The following TECPR2 variants were observed in gnomAD, a reference collection of about 807,000 sequenced individuals.
TECPR2 encodes tectonin beta-propeller repeat-containing protein 2.
A neutral mutation model predicts 138.1 loss-of-function variants in TECPR2; 65 were observed. The ratio of observed to expected loss-of-function variants is 0.47; its 90% confidence interval spans 0.39 to 0.58. The LOEUF is 0.58. Ranked by LOEUF, TECPR2 falls within the 20% of genes least tolerant of loss-of-function variation. The pLI is 0.00. For synonymous variants in TECPR2, 746 were observed against 749.8 expected, an observed-to-expected ratio of 0.99 and a Z score of 0.08; for missense variants, 1,553 against 1,824.5, an observed-to-expected ratio of 0.85 and a Z score of 2.71.
intron 17 of TECPR2, among the ~76,000 whole-genome samples, chr14:102,481,589 G>T (rs577813625): frequency 2.4e-4 from 36 of 152,348 alleles, no homozygotes; most frequent in Non-Finnish European, 4.9e-4. Context: ...GGGCAACAGA[G>T]TGAGCCTCCA....
intron 2 of TECPR2, among the ~76,000 whole-genome samples, chr14:102,378,289 G>A (rs79159907): frequency 0.028 from 4,267 of 152,210 alleles, 77 homozygotes; most frequent in Middle Eastern, 0.085. Context: ...CATTTAAAAC[G>A]TAACTAATTT....
chr14:102,463,547 G>A (rs1890472209), intron 16 of TECPR2, among the ~76,000 whole-genome samples: 2 of 150,044 alleles, frequency 1.3e-5, no homozygotes, highest in African/African-American at 4.9e-5. Flanking sequence ...AAATAAAAAA[G>A]CAGTCAGTTC....
chr14:102,372,021 C>T (rs184989106), intron 1 of TECPR2, among the ~76,000 whole-genome samples: 53 of 152,306 alleles, frequency 3.5e-4, no homozygotes, highest in Admixed American at 1.8e-3. Flanking sequence ...GGGTCTCACT[C>T]TGTCACCCAG....
At chr14:102,438,494 A>G in intron 10 of TECPR2, 1 of 331,210 alleles carries the variant, frequency 3.0e-6, no homozygotes, top group Non-Finnish European at 5.5e-6. Context: ...TGTAAGCTAG[A>G]CAAAAAGTTT....
intron 16 of TECPR2, among the ~76,000 whole-genome samples, chr14:102,459,996 T>A (rs1890366429): frequency 6.6e-6 from 1 of 152,054 alleles, no homozygotes; most frequent in South Asian, 2.1e-4. Flanking sequence ...TCAGACTGGG[T>A]GTGGTGGCTC....
chr14:102,422,591 T>A (rs1889214725), intron 5 of TECPR2, among the ~76,000 whole-genome samples: 1 of 152,136 alleles, frequency 6.6e-6, no homozygotes. Context: ...TACATTTTAA[T>A]AAAAATGAAA....
rs572201841 is a variant in TECPR2 at position 102,432,961 on chromosome 14, G to A, written c.1417+833G>A. Among the ~76,000 whole-genome samples, 497 of 145,574 alleles carry A rather than the reference G, an allele frequency of 3.4e-3. 5 individuals carry two copies. The highest frequency in any genetic ancestry group is 0.012 in the African/African-American group (488 of 39,116). ...AGAGGATGCAGTGAGCCGAGGTCAC[G>A]CCACTGCACTCCAGCCTCGCAACAG... On this transcript the variant is annotated intron_variant, in intron 8 of 19. Transcript: ENST00000359520.
At chr14:102,395,893 A>T (rs566517404) in intron 2 of TECPR2, among the ~76,000 whole-genome samples, 14 of 152,214 alleles carry the variant, frequency 9.2e-5, no homozygotes, top group Non-Finnish European at 2.1e-4. Flanking sequence ...GAATTAGTTT[A>T]TAAGTCATAT....
At chr14:102,430,685 A>T (rs1230313131) in intron 7 of TECPR2, among the ~76,000 whole-genome samples, 1 of 152,150 alleles carries the variant, frequency 6.6e-6, no homozygotes, top group Non-Finnish European at 1.5e-5. Flanking sequence ...AGATGAGTCC[A>T]CTGCAGTGGG....
chr14:102,495,986 A>T (rs1329694829), intron 17 of TECPR2, among the ~76,000 whole-genome samples: 1 of 152,242 alleles, frequency 6.6e-6, no homozygotes, highest in African/African-American at 2.4e-5. Context: ...TGACAGGAGC[A>T]CTGTGCGGCC....
intron 16 of TECPR2, among the ~76,000 whole-genome samples, chr14:102,461,798 C>A (rs1045245531): frequency 2.0e-5 from 3 of 152,158 alleles, no homozygotes; most frequent in African/African-American, 7.2e-5. Context: ...GGTCGTGGGT[C>A]CTGCCTAACT....
At chr14:102,423,155 A>T (rs764395051) in intron 5 of TECPR2, among the ~76,000 whole-genome samples, 2 of 152,184 alleles carry the variant, frequency 1.3e-5, no homozygotes, top group Non-Finnish European at 2.9e-5. Flanking sequence ...TTTTTTGGCC[A>T]GGCGCAGTGG....
chr14:102,461,103 G>C (rs1890399480), intron 16 of TECPR2, among the ~76,000 whole-genome samples: 1 of 152,040 alleles, frequency 6.6e-6, no homozygotes. Flanking sequence ...AAATTAAATG[G>C]TTGGCTGCTG....
In TECPR2 at chr14:102,437,541, G is replaced by A. The variant is rs376224808; in HGVS notation, c.2395-481G>A. Among the ~76,000 whole-genome samples, 86 of 151,646 alleles carry A rather than the reference G, an allele frequency of 5.7e-4. 1 individual carries two copies. The highest frequency in any genetic ancestry group is 2.0e-3 in the African/African-American group (83 of 41,284). ...TGTACTCCAGCCTGGGCGACAGAGC[G>A]AGTCTCTGTCTCAAAAAGGAAAAAA... On this transcript the variant is annotated intron_variant, in intron 9 of 19. Transcript: ENST00000359520.
chr14:102,398,093 AAAAAAG>A (rs1272134065), intron 2 of TECPR2, among the ~76,000 whole-genome samples: 2 of 142,062 alleles, frequency 1.4e-5, no homozygotes, highest in Non-Finnish European at 1.6e-5. Context: ...AAAAAAAAAG[AAAAAAG>A]AAAGAAAAGA....
intron 15 of TECPR2, 118 bp downstream of exon 15, chr14:102,450,767 C>T (rs1417855475): frequency 7.1e-6 from 7 of 990,222 alleles, no homozygotes; most frequent in Non-Finnish European, 9.3e-6. Flanking sequence ...AGACTGACCA[C>T]GTGAGGGTGT....
rs117648389 is a variant in TECPR2 at position 102,431,633 on chromosome 14, T to C, written c.1085-163T>C. On this transcript the variant is annotated intron_variant, in intron 7 of 19. Transcript: ENST00000359520. ...CTGGGATTACAGGCGTGAGTCACCG[T>C]GCCCATCCTAGTTTTGCTGGTTTCT... is the stretch of plus-strand genomic sequence containing the variant. Among the ~76,000 whole-genome samples, 8,974 of 152,282 alleles carry C rather than the reference T, an allele frequency of 0.059. 338 individuals carry two copies. The highest frequency in any genetic ancestry group is 0.14 in the East Asian group (701 of 5,172).
chr14:102,415,462 G>A lies in TECPR2; in HGVS notation c.638+669G>A, dbSNP rs1403847793. Among the ~76,000 whole-genome samples, 1 of 152,166 alleles carries A rather than the reference G, an allele frequency of 6.6e-6. No homozygotes were observed. The highest frequency in any genetic ancestry group is 1.5e-5 in the Non-Finnish European group (1 of 68,042). ...GAGAAGTCCACCAGCCATACCAGCCGTGTGGGAAAAGACAACTGGAACACC... is the reference window on the plus strand; with the variant it reads ...GAGAAGTCCACCAGCCATACCAGCCATGTGGGAAAAGACAACTGGAACACC... On this transcript the variant is annotated intron_variant, in intron 5 of 19. Coordinates refer to ENST00000359520, the MANE Select transcript of TECPR2 (RefSeq NM_014844.5). The surrounding 1 kb of genome is among the most constrained non-coding windows in gnomAD (Gnocchi z 4.3).
intron 4 of TECPR2, among the ~76,000 whole-genome samples, chr14:102,409,940 G>A (rs1028581207): frequency 6.6e-6 from 1 of 152,118 alleles, no homozygotes; most frequent in Non-Finnish European, 1.5e-5. Context: ...GAGTAGCTGG[G>A]ACTACAGGCA....
Sources: gnomAD v4.1 joint callset for allele counts (sites outside exome capture counted in the v4.1 genomes callset) on GRCh38, gnomAD v4.1.1 for gene constraint, Gnocchi (gnomAD v3.1) non-coding constraint, MANE v1.5 for transcripts, NCBI Gene and HGNC (gene_info 2026-07-23, HGNC 2026-07-21) for gene names.